Variants in ADAMTS19 observed in about 807,000 individuals in gnomAD.
ADAMTS19 encodes A disintegrin and metalloproteinase with thrombospondin motifs 19.
ADAMTS19 carries 93 observed loss-of-function variants against 153.3 expected under a neutral mutation model. The ratio of observed to expected loss-of-function variants is 0.61; its 90% confidence interval spans 0.51 to 0.72. The LOEUF (loss-of-function observed/expected upper bound fraction) is 0.72, where lower values mean the gene tolerates loss of function less well. Ranked by LOEUF, ADAMTS19 falls within the 30% of genes least tolerant of loss-of-function variation. The pLI is 0.00. For missense variants in ADAMTS19, 1,482 were observed against 1,552.1 expected (o/e 0.95, Z 0.76); for synonymous variants, 600 against 556.6 (o/e 1.08, Z -1.10).
chr5:129,655,166 G>C (rs1337181871), intron 14 of ADAMTS19, among the ~76,000 whole-genome samples: 1 of 152,168 alleles, frequency 6.6e-6, no homozygotes, highest in African/African-American at 2.4e-5. Flanking sequence ...GGAAGAGGCA[G>C]GTTTGGGCAC....
At chr5:129,615,190 A>C (rs971886437) in intron 8 of ADAMTS19, among the ~76,000 whole-genome samples, 1 of 152,022 alleles carries the variant, frequency 6.6e-6, no homozygotes, top group African/African-American at 2.4e-5. Context: ...AAACTACTTT[A>C]AAGTTCATAT....
intron 10 of ADAMTS19, among the ~76,000 whole-genome samples, chr5:129,632,102 A>C (rs1176355065): frequency 6.6e-6 from 1 of 152,084 alleles, no homozygotes; most frequent in Non-Finnish European, 1.5e-5. Context: ...CCTCTGTTGC[A>C]ACTCAAATCT....
At chr5:129,507,313 A>G (rs10478882) in intron 2 of ADAMTS19, among the ~76,000 whole-genome samples, 5,978 of 152,162 alleles carry the variant, frequency 0.039, 133 homozygotes, top group South Asian at 0.063. Flanking sequence ...GCCTAGATCA[A>G]TAATGTGTAA....
At chr5:129,500,417 G>C (rs977833085) in intron 2 of ADAMTS19, 3 of 152,104 alleles carry the variant, frequency 2.0e-5, no homozygotes, top group African/African-American at 7.2e-5. Context: ...TCTTTCATGG[G>C]TCACATTTGT....
Position 129,526,394 on chromosome 5 carries a change from G to A in ADAMTS19, c.1024G>A (p.Ala342Thr), listed in dbSNP as rs1752009304. ...NIETVVVADP[A>T]MVSYHGADAA... Reference sequence around the variant, plus strand: ...AGAGACTGTAGTGGTTGCAGACCCAGCAATGGTTTCCTATCATGGAGCAGA... The same window carrying A: ...AGAGACTGTAGTGGTTGCAGACCCAACAATGGTTTCCTATCATGGAGCAGA... The change falls in exon 4 of 23, where the codon GCA becomes ACA. Residue 342 changes from alanine to threonine, a missense_variant. Ala to Thr is a moderately conservative substitution (Grantham distance 58). Transcript: ENST00000274487. 1.2e-6 allele frequency: 2 copies of A among 1,604,110 alleles called. No individual in the cohort carries two copies. The highest frequency in any genetic ancestry group is 1.7e-6 in the Non-Finnish European group (2 of 1,175,810).
intron 2 of ADAMTS19, among the ~76,000 whole-genome samples, chr5:129,494,165 C>G (rs895440081): frequency 6.6e-6 from 1 of 151,868 alleles, no homozygotes; most frequent in Non-Finnish European, 1.5e-5. Flanking sequence ...GTTATATTTA[C>G]TTTTTTCATT....
intron 6 of ADAMTS19, among the ~76,000 whole-genome samples, chr5:129,547,579 CA>C (rs1752906892): frequency 6.6e-6 from 1 of 150,406 alleles, no homozygotes; most frequent in Admixed American, 6.6e-5. Context: ...AAAAGAAGAA[CA>C]AAGAAATATA....
chr5:129,467,604 G>C (rs572879543), intron 2 of ADAMTS19, among the ~76,000 whole-genome samples: 2 of 152,200 alleles, frequency 1.3e-5, no homozygotes, highest in Non-Finnish European at 2.9e-5. Flanking sequence ...ATTGACTTTA[G>C]AGGATTGAAT....
intron 10 of ADAMTS19, among the ~76,000 whole-genome samples, chr5:129,635,912 T>A (rs964498859): frequency 6.6e-6 from 1 of 152,160 alleles, no homozygotes; most frequent in Non-Finnish European, 1.5e-5. Flanking sequence ...TTATTTATTA[T>A]TTGAGACAGA....
chr5:129,663,109 T>C (rs1262142817), intron 15 of ADAMTS19, among the ~76,000 whole-genome samples: 10 of 152,078 alleles, frequency 6.6e-5, no homozygotes, highest in Non-Finnish European at 1.5e-5. Flanking sequence ...TTAGCCAGGA[T>C]GGTCTTGATC....
intron 18 of ADAMTS19, among the ~76,000 whole-genome samples, chr5:129,691,688 A>G (rs1025233860): frequency 6.6e-5 from 10 of 152,126 alleles, no homozygotes; most frequent in Non-Finnish European, 1.5e-4. Context: ...CAAACCTTAC[A>G]ATATAGGAGT....
intron 8 of ADAMTS19, among the ~76,000 whole-genome samples, chr5:129,599,762 G>A (rs945648334): frequency 2.6e-5 from 4 of 152,130 alleles, no homozygotes; most frequent in African/African-American, 9.7e-5. Flanking sequence ...GATTGGAATA[G>A]CTCAAATGGT....
chr5:129,561,192 GTTTC>G (rs1284007170), intron 7 of ADAMTS19, among the ~76,000 whole-genome samples: 1 of 152,062 alleles, frequency 6.6e-6, no homozygotes, highest in Admixed American at 6.5e-5. Context: ...ATTTTTGAGA[GTTTC>G]TTTGTTTGGG....
At chr5:129,664,804 CT>C (rs1753967738) in intron 15 of ADAMTS19, among the ~76,000 whole-genome samples, 1 of 152,082 alleles carries the variant, frequency 6.6e-6, no homozygotes, top group Non-Finnish European at 1.5e-5. Context: ...CTGTATTTTT[CT>C]GCACATTTTC....
intron 2 of ADAMTS19, among the ~76,000 whole-genome samples, chr5:129,488,729 A>C (rs1441694351): frequency 6.6e-6 from 1 of 152,108 alleles, no homozygotes; most frequent in Admixed American, 6.5e-5. Context: ...TTTATCTTAA[A>C]GATTATTACC....
chr5:129,672,964 CCTTGT>C (rs1325781461), intron 16 of ADAMTS19, among the ~76,000 whole-genome samples: 1 of 151,872 alleles, frequency 6.6e-6, no homozygotes, highest in Non-Finnish European at 1.5e-5. Context: ...ATTTCCCTTA[CCTTGT>C]CAATTTCATT....
intron 16 of ADAMTS19, among the ~76,000 whole-genome samples, chr5:129,670,931 G>A (rs1012541846): frequency 1.3e-5 from 2 of 152,088 alleles, no homozygotes; most frequent in Non-Finnish European, 2.9e-5. Context: ...GTTAGTTACC[G>A]TAAATTCTCC....
intron 7 of ADAMTS19, among the ~76,000 whole-genome samples, chr5:129,554,516 T>C (rs1173912283): frequency 6.6e-6 from 1 of 152,072 alleles, no homozygotes; most frequent in Non-Finnish European, 1.5e-5. Flanking sequence ...CCACTGGATA[T>C]AAAGAAGGAA....
At chr5:129,575,925 G>C (rs1251566709) in intron 7 of ADAMTS19, among the ~76,000 whole-genome samples, 1 of 151,912 alleles carries the variant, frequency 6.6e-6, no homozygotes, top group Non-Finnish European at 1.5e-5. Flanking sequence ...TCTGAAGAGG[G>C]ATAAGATGTG....
Sources: gnomAD v4.1 joint callset for allele counts (sites outside exome capture counted in the v4.1 genomes callset) on GRCh38, gnomAD v4.1.1 for gene constraint, MANE v1.5 for transcripts, NCBI Gene and HGNC (gene_info 2026-07-23, HGNC 2026-07-21) for gene names.